Variants in CLEC16A observed in about 807,000 individuals in gnomAD.
The protein encoded by CLEC16A is protein CLEC16A.
Under a neutral mutation model 109.5 loss-of-function variants are expected in CLEC16A, and 51 were observed. That is an observed-to-expected ratio of 0.47 (90% CI 0.37 to 0.59). CLEC16A has a LOEUF of 0.59. Ranked by LOEUF, CLEC16A falls within the 20% of genes least tolerant of loss-of-function variation. The pLI is 0.00. For missense variants in CLEC16A, 1,339 were observed against 1,394.0 expected (o/e 0.96, Z 0.63); for synonymous variants, 673 against 564.2 (o/e 1.19, Z -2.73).
chr16:11,020,258 G>C lies in CLEC16A; in HGVS notation c.1369G>C (p.Glu457Gln). Residue 457 changes from glutamate to glutamine, a missense_variant, in exon 12 of 24, where the codon GAG becomes CAG. Glu to Gln is a conservative substitution (Grantham distance 29). Around this residue, in one of 3 missense-constraint regions of CLEC16A, gnomAD observed 1,061 missense variants for 1,006.8 expected, o/e 1.05. Coordinates refer to ENST00000409790, the MANE Select transcript of CLEC16A (RefSeq NM_015226.3). ...GCTGGCCGCCAGCACCTCCGTGCAG[G>C]AGCAGAACACCACGGACGAGGAGAA... ...SELAASTSVQ[E>Q]QNTTDEEKSA... 1 of 1,613,924 alleles carries C rather than the reference G, an allele frequency of 6.2e-7. No homozygotes were observed. Among genetic ancestry groups the C allele is most frequent in the Non-Finnish European group, 8.5e-7 (1 of 1,179,862 alleles).
chr16:11,092,878 T>C (rs1165340661), intron 19 of CLEC16A, among the ~76,000 whole-genome samples: 2 of 152,184 alleles, frequency 1.3e-5, no homozygotes, highest in Non-Finnish European at 2.9e-5. Flanking sequence ...TGATCCATAA[T>C]AGAATCCCCA....
At chr16:11,068,201 G>A (rs2048871444) in intron 19 of CLEC16A, among the ~76,000 whole-genome samples, 3 of 152,328 alleles carry the variant, frequency 2.0e-5, no homozygotes. Flanking sequence ...AATGAGAACA[G>A]CGATGCCCAA....
At chr16:10,996,255 C>T (rs1027748299) in intron 10 of CLEC16A, among the ~76,000 whole-genome samples, 19 of 152,202 alleles carry the variant, frequency 1.2e-4, no homozygotes, top group Non-Finnish European at 2.9e-5. Flanking sequence ...GTGAGCAGCA[C>T]GGGCTAGTGC....
intron 10 of CLEC16A, among the ~76,000 whole-genome samples, chr16:11,000,568 C>T (rs907662900): frequency 6.6e-6 from 1 of 152,104 alleles, no homozygotes; most frequent in African/African-American, 2.4e-5. Context: ...TTCGATCACC[C>T]GGCATCCTAA....
chr16:10,947,851 TTTA>T (rs984999087), intron 1 of CLEC16A, among the ~76,000 whole-genome samples: 15 of 152,198 alleles, frequency 9.9e-5, no homozygotes, highest in African/African-American at 3.1e-4. Context: ...GAATTATTTA[TTTA>T]TTATTATTAT....
chr16:10,979,449 G>GAAAATC (rs1378801639), intron 9 of CLEC16A, 67 bp downstream of exon 9: 6 of 1,428,434 alleles, frequency 4.2e-6, no homozygotes. Flanking sequence ...CTGCCTTGAA[G>GAAAATC]AAAATCCCCA....
At chr16:11,062,775 C>A (rs2048552900) in intron 19 of CLEC16A, among the ~76,000 whole-genome samples, 2 of 152,082 alleles carry the variant, frequency 1.3e-5, no homozygotes, top group Non-Finnish European at 2.9e-5. Flanking sequence ...GGCCCTTTTG[C>A]CCTTGAGAAA....
chr16:11,027,327 C>T lies in CLEC16A; in HGVS notation c.1537+2406C>T, dbSNP rs183216836. ...CGAAAGGATTGATGGCGTGAGTTTACTGGTGCAGAGAACCATTGCAAGACT... is the reference window on the plus strand; with the variant it reads ...CGAAAGGATTGATGGCGTGAGTTTATTGGTGCAGAGAACCATTGCAAGACT... On this transcript the variant is annotated intron_variant, in intron 13 of 23. Transcript: ENST00000409790. 7.9e-4 allele frequency: 1,129 copies of T among 1,431,630 alleles called. 8 individuals are homozygous for T. The highest frequency in any genetic ancestry group is 4.2e-3 in the South Asian group (372 of 87,604). 88.7% of individuals were successfully genotyped at this position (1,431,630 alleles called of 1,614,324 possible). A position where few individuals can be genotyped will look rare whatever the true frequency, so the allele number is the denominator to read the frequency against.
At chr16:11,145,964 G>C (rs910933870) in intron 22 of CLEC16A, among the ~76,000 whole-genome samples, 1 of 152,154 alleles carries the variant, frequency 6.6e-6, no homozygotes, top group African/African-American at 2.4e-5. Context: ...CCCCCGCCAT[G>C]GTCCCCTTGG....
At chr16:11,108,858 C>T (rs555781928) in intron 19 of CLEC16A, among the ~76,000 whole-genome samples, 12 of 152,188 alleles carry the variant, frequency 7.9e-5, no homozygotes, top group African/African-American at 2.9e-4. Flanking sequence ...TGCCTGTAAT[C>T]CCAGCACTTT....
intron 14 of CLEC16A, chr16:11,041,443 G>A (rs2047329954): frequency 6.6e-6 from 1 of 152,112 alleles, no homozygotes; most frequent in African/African-American, 2.4e-5. Context: ...TGGATCCAGG[G>A]GCTCAAACAG....
chr16:11,122,896 C>CTTTTTG (rs2052532012), intron 20 of CLEC16A, among the ~76,000 whole-genome samples: 1 of 73,772 alleles, frequency 1.4e-5, no homozygotes, highest in Non-Finnish European at 2.4e-5. Flanking sequence ...CTATCCCTTT[C>CTTTTTG]TTTTTTTTTT....
chr16:11,082,081 G>T (rs1289232498), intron 19 of CLEC16A, among the ~76,000 whole-genome samples: 1 of 152,160 alleles, frequency 6.6e-6, no homozygotes, highest in Non-Finnish European at 1.5e-5. Context: ...TCTGATTCAG[G>T]CCTCAAGTAT....
intron 19 of CLEC16A, among the ~76,000 whole-genome samples, chr16:11,110,823 A>T (rs986131732): frequency 2.0e-5 from 3 of 152,232 alleles, no homozygotes; most frequent in African/African-American, 7.2e-5. Context: ...AGGGTCACAC[A>T]GTTTAATAAC....
chr16:11,101,957 C>T (rs1483473627), intron 19 of CLEC16A, among the ~76,000 whole-genome samples: 5 of 151,282 alleles, frequency 3.3e-5, no homozygotes, highest in Non-Finnish European at 7.4e-5. Flanking sequence ...TGCACACCAC[C>T]ACATCCAGAT....
intron 22 of CLEC16A, among the ~76,000 whole-genome samples, chr16:11,165,977 G>A (rs979514400): frequency 6.6e-6 from 1 of 152,208 alleles, no homozygotes. Flanking sequence ...TTCAGAGCAT[G>A]GGTCCGGTGC....
intron 19 of CLEC16A, among the ~76,000 whole-genome samples, chr16:11,074,796 G>C (rs543983203): frequency 2.6e-5 from 4 of 152,162 alleles, no homozygotes; most frequent in Non-Finnish European, 4.4e-5. Flanking sequence ...TACAAAGCAG[G>C]ATTTCTAGAT....
chr16:11,013,072 A>G (rs2045534957), intron 11 of CLEC16A, among the ~76,000 whole-genome samples: 1 of 152,190 alleles, frequency 6.6e-6, no homozygotes, highest in Admixed American at 6.5e-5. Context: ...CTTAACATGT[A>G]CATCTCTGGG....
intron 10 of CLEC16A, among the ~76,000 whole-genome samples, chr16:10,985,748 G>A (rs891745524): frequency 6.6e-6 from 1 of 152,008 alleles, no homozygotes; most frequent in African/African-American, 2.4e-5. Context: ...TTGAGATGGA[G>A]TCTCTGTCGC....
Sources: gnomAD v4.1 joint callset for allele counts (sites outside exome capture counted in the v4.1 genomes callset) on GRCh38, gnomAD v4.1.1 for gene constraint, gnomAD v4.1.1 regional missense constraint, MANE v1.5 for transcripts, NCBI Gene and HGNC (gene_info 2026-07-23, HGNC 2026-07-21) for gene names.